Variants in VRK3 observed in about 807,000 individuals in gnomAD.
VRK3 encodes serine/threonine-protein kinase VRK3.
VRK3 carries 50 observed loss-of-function variants against 60.4 expected under a neutral mutation model. The ratio of observed to expected loss-of-function variants is 0.83; its 90% CI spans 0.66 to 1.05. VRK3 has a LOEUF of 1.05. Among genes scored for constraint, VRK3 ranks in the 50% least tolerant of loss-of-function variants. The pLI, the probability that VRK3 is intolerant of heterozygous loss-of-function variation, is 0.00. For synonymous variants in VRK3, 246 were observed against 227.8 expected (o/e 1.08, Z -0.72); for missense variants, 549 against 585.3 (o/e 0.94, Z 0.64).
At chr19:50,010,016 C>T (rs2076966630) in intron 3 of VRK3, among the ~76,000 whole-genome samples, 1 of 151,900 alleles carries the variant, frequency 6.6e-6, no homozygotes, top group Non-Finnish European at 1.5e-5. Flanking sequence ...CTGTTTAAAC[C>T]ACCCACCGAG....
rs560653541 is a variant in VRK3 at position 49,986,580 on chromosome 19, T to C, written c.1217+1792A>G. 1.3e-3 allele frequency: 198 copies of C among 152,626 alleles called. 1 individual carries two copies. The highest frequency in any genetic ancestry group is 3.1e-4 in the Non-Finnish European group (21 of 68,040). 9.5% of individuals were successfully genotyped at this position (152,626 alleles called of 1,614,324 possible). On this transcript the variant is annotated intron_variant, in intron 12 of 14. Transcript: ENST00000316763. ...ACATCAGAACACATGTTAAGTGTGC[T>C]TGAGCAGCTGTCCATGGTTGAGAGA...
At chr19:50,012,889 C>T (rs28528240) in intron 3 of VRK3, among the ~76,000 whole-genome samples, 8,064 of 149,574 alleles carry the variant, frequency 0.054, 694 homozygotes, top group African/African-American at 0.19. Flanking sequence ...AAACAAAGGC[C>T]GGGCGCAGTG....
chr19:50,010,023 C>T (rs60638840), intron 3 of VRK3, among the ~76,000 whole-genome samples: 7,937 of 151,762 alleles, frequency 0.052, 687 homozygotes, highest in African/African-American at 0.18. Flanking sequence ...AACCACCCAC[C>T]GAGTTTCTGA....
rs1223733639 is a variant in VRK3, at chr19:49,989,668, A to T, written c.1067T>A (p.Phe356Tyr). The T allele has an allele frequency of 6.2e-7, 1 of 1,613,474 alleles. No homozygotes were observed. Among genetic ancestry groups the T allele is most frequent in the Non-Finnish European group, 8.5e-7 (1 of 1,179,692 alleles). ...SRSPHEGDLE[F>Y]ISMDLHKGCG... ...TCCCTTGTGCAGGTCCATGCTAATG[A>T]ACTCAAGGTCCCCCTCGTGAGGGCT... The change falls in exon 11 of 15, where the codon TTC becomes TAC. Residue 356 changes from phenylalanine to tyrosine, a missense_variant. Physicochemically the swap from Phe to Tyr is conservative, Grantham distance 22. Transcript: ENST00000316763.
At chr19:50,022,132 C>T (rs905924162) in intron 1 of VRK3, among the ~76,000 whole-genome samples, 3 of 152,180 alleles carry the variant, frequency 2.0e-5, no homozygotes, top group Non-Finnish European at 2.9e-5. Flanking sequence ...ACAGTGGGGA[C>T]GCAGCTGAAA....
chr19:50,022,614 C>T lies in VRK3; in HGVS notation c.-64-1967G>A, dbSNP rs150425496. On this transcript the variant is annotated intron_variant, in intron 1 of 14. Coordinates refer to ENST00000316763, the MANE Select transcript of VRK3 (RefSeq NM_016440.4). The stretch of plus-strand genomic sequence containing the variant: ...CAGCCTGGACAACATGGTGAAACCC[C>T]GTCTCTACTAAAAAAGTACAAAAAA... Among the ~76,000 whole-genome samples, 1,335 of 151,472 alleles carry T rather than the reference C, an allele frequency of 8.8e-3. 84 individuals carry two copies. The East Asian group carries it at 0.18, about 21-fold the overall frequency.
At chr19:49,988,281 C>A in intron 12 of VRK3, 91 bp downstream of exon 12, 1 of 1,519,486 alleles carries the variant, frequency 6.6e-7, no homozygotes, top group South Asian at 1.2e-5. Flanking sequence ...ACCTCCCCTT[C>A]CCTCCTGCTC....
chr19:50,000,062 C>T (rs778445679), intron 6 of VRK3: 1 of 152,332 alleles, frequency 6.6e-6, no homozygotes, highest in Non-Finnish European at 1.5e-5. Context: ...ATGGCCTCCA[C>T]CTAGGGCGGA....
Position 49,994,859 on chromosome 19 carries a change from C to CT in VRK3, c.824dup (p.His276AlafsTer24), listed in dbSNP as rs1250259548. 1 of 1,614,170 alleles carries CT rather than the reference C, an allele frequency of 6.2e-7. No individual in the cohort carries two copies. The highest frequency in any genetic ancestry group is 2.2e-5 in the East Asian group (1 of 44,894). On this transcript the variant is annotated frameshift_variant, in exon 9 of 15. Coordinates refer to ENST00000316763, the MANE Select transcript of VRK3 (RefSeq NM_016440.4). LOFTEE classifies it high-confidence loss of function. ...GCACAGACCTCTCTGACAGCACATGCTTTGGGCTGACATCCAGGGCCGACT... is the reference window on the plus strand; with the variant it reads ...GCACAGACCTCTCTGACAGCACATGCTTTTGGGCTGACATCCAGGGCCGACT...
chr19:50,011,690 T>C (rs555624183), intron 3 of VRK3, among the ~76,000 whole-genome samples: 3 of 151,488 alleles, frequency 2.0e-5, no homozygotes, highest in Non-Finnish European at 4.4e-5. Context: ...CCCGTGGTCC[T>C]GCCTGTCTTC....
At chr19:50,019,542 C>T (rs1364778710) in intron 2 of VRK3, among the ~76,000 whole-genome samples, 3 of 152,034 alleles carry the variant, frequency 2.0e-5, no homozygotes, top group Non-Finnish European at 2.9e-5. Flanking sequence ...CAGGGTCCCA[C>T]CCTGTCACTC....
chr19:49,991,687 C>T (rs1392573617), intron 10 of VRK3, among the ~76,000 whole-genome samples: 1 of 152,140 alleles, frequency 6.6e-6, no homozygotes, highest in Admixed American at 6.6e-5. Flanking sequence ...GGATTTAAGC[C>T]TAATTTGCTG....
Position 50,016,039 on chromosome 19 carries a change from C to T in VRK3, c.124G>A (p.Val42Met), listed in dbSNP as rs370384773. ...VGSQTFVNPHVSSFQGSKRGL... is the reference protein window; with the variant it reads ...VGSQTFVNPHMSSFQGSKRGL... ...TGGTTCTTACCTTGGAAGGATGACACATGTGGATTGACAAAGGTCTGGGAC... is the reference window on the plus strand; with the variant it reads ...TGGTTCTTACCTTGGAAGGATGACATATGTGGATTGACAAAGGTCTGGGAC... The change falls in exon 3 of 15, where the codon GTG (valine) becomes ATG (methionine). Residue 42 changes from valine to methionine, a missense_variant. Physicochemically the swap from Val to Met is conservative, Grantham distance 21 (BLOSUM62 1). Coordinates refer to ENST00000316763, the MANE Select transcript of VRK3 (RefSeq NM_016440.4). 19 of 1,614,062 alleles carry T rather than the reference C, an allele frequency of 1.2e-5. No individual in the cohort carries two copies. The African/African-American group carries it at 1.6e-4, about 14-fold the overall frequency.
intron 6 of VRK3, 148 bp downstream of exon 6, chr19:50,000,642 G>A (rs1331715093): frequency 3.4e-6 from 3 of 885,930 alleles, no homozygotes; most frequent in East Asian, 2.7e-5. Flanking sequence ...CTGGGCGCCT[G>A]CCCCGCCCAC....
Position 50,015,748 on chromosome 19 carries a change from G to A in VRK3, c.139+276C>T, listed in dbSNP as rs541696627. 333 of 421,702 alleles carry A rather than the reference G, an allele frequency of 7.9e-4. 1 individual carries two copies. Among genetic ancestry groups the A allele is most frequent in the Admixed American group, 1.4e-3 (40 of 27,936 alleles). The allele number at this position is 421,702 out of a possible 1,614,324, so 26.1% of individuals were successfully genotyped here. On this transcript the variant is annotated intron_variant, in intron 3 of 14. Transcript: ENST00000316763. ...ATACTCAACCTGCAGGTGCCAAGCT[G>A]GCAGGCTGCACATATATCTCCTCCA...
chr19:50,024,230 G>A (rs2077223719), intron 1 of VRK3, among the ~76,000 whole-genome samples: 1 of 152,154 alleles, frequency 6.6e-6, no homozygotes. Context: ...GAGCCACCGT[G>A]CCCAGCCAAA....
intron 7 of VRK3, 83 bp from the exon 8 acceptor site, chr19:49,995,358 C>G (rs979897458): frequency 1.6e-6 from 2 of 1,257,132 alleles, no homozygotes; most frequent in Admixed American, 3.9e-5. Flanking sequence ...AGAAGAAGCA[C>G]AGAGTGCCCA....
Position 49,982,280 on chromosome 19 carries a change from A to G in VRK3, c.1218-1267T>C, listed in dbSNP as rs2076437134. On this transcript the variant is annotated intron_variant, in intron 12 of 14. Transcript: ENST00000316763. ...TGATAAAACACACGAATTATTAACC[A>G]TCTCAGGCTTTGGGACATCAGACAG... is the stretch of plus-strand genomic sequence containing the variant. The G allele has an allele frequency of 2.1e-5, 15 of 697,792 alleles. No individual in the cohort carries two copies. In the East Asian group the frequency reaches 4.0e-4, roughly 19 times the overall value. The allele number at this position is 697,792 out of a possible 1,614,324, so 43.2% of individuals were successfully genotyped here. A position where few individuals can be genotyped will look rare whatever the true frequency, so the allele number is the denominator to read the frequency against.
At chr19:49,987,143 G>C (rs2076529838) in intron 12 of VRK3, among the ~76,000 whole-genome samples, 1 of 152,174 alleles carries the variant, frequency 6.6e-6, no homozygotes, top group South Asian at 2.1e-4. Context: ...CAAAGTGCTG[G>C]GATTAAGGCG....
Sources: gnomAD v4.1 joint callset for allele counts (sites outside exome capture counted in the v4.1 genomes callset) on GRCh38, gnomAD v4.1.1 for gene constraint, MANE v1.5 for transcripts, NCBI Gene and HGNC (gene_info 2026-07-23, HGNC 2026-07-21) for gene names.